TRIP13: variants seen among roughly 807,000 people sequenced by gnomAD.
TRIP13 encodes thyroid hormone receptor interactor 13.
In TRIP13, 25 loss-of-function variants were observed where a neutral mutation model predicts 54.4. The ratio of observed to expected loss-of-function variants is 0.46; its 90% confidence interval spans 0.33 to 0.64. The LOEUF (loss-of-function observed/expected upper bound fraction) is 0.64. Ranked by LOEUF, TRIP13 falls within the 30% of genes least tolerant of loss-of-function variation. The probability of loss-of-function intolerance (pLI) is 0.02; values close to 1 mark genes in which losing one functional copy is unlikely to be tolerated. For synonymous variants in TRIP13, 207 were observed against 207.8 expected (o/e 1.00, Z 0.03); for missense variants, 373 against 534.2 (o/e 0.70, Z 2.97).
rs959550865 is a variant in TRIP13 at position 915,713 on chromosome 5, G to A, written c.1134-191G>A. The stretch of plus-strand genomic sequence containing the variant: ...AGAGACCGGCCCCATACGAGAGGCC[G>A]GGGGCAAAGAGACATTCAGAGGGCA... On this transcript the variant is annotated intron_variant, in intron 11 of 12. Coordinates refer to ENST00000166345, the MANE Select transcript of TRIP13 (RefSeq NM_004237.4). The surrounding 1 kb of genome is among the most constrained non-coding windows in gnomAD (Gnocchi z 4.2). Among the ~76,000 whole-genome samples the A allele has an allele frequency of 2.6e-5, 4 of 152,296 alleles. No homozygotes were observed. Among genetic ancestry groups the A allele is most frequent in the African/African-American group, 4.8e-5 (2 of 41,564 alleles).
Position 908,196 on chromosome 5 carries a change from T to A in TRIP13, c.759+122T>A. 2 of 1,382,616 alleles carry A rather than the reference T, an allele frequency of 1.4e-6. No homozygotes were observed. Among genetic ancestry groups the A allele is most frequent in the Non-Finnish European group, 2.0e-6 (2 of 980,838 alleles). 85.6% of individuals were successfully genotyped at this position (1,382,616 alleles called of 1,614,324 possible). On this transcript the variant is annotated intron_variant, in intron 8 of 12. Coordinates refer to ENST00000166345, the MANE Select transcript of TRIP13 (RefSeq NM_004237.4). This position sits in a 1 kb window ranked among gnomAD's most constrained non-coding sequence, Gnocchi z 5.2. Reference sequence around the variant, plus strand: ...AGCCGGGCTGCCCTCTATCCCTCCCTGCACTGTGCGCCTTTCCACCTTGCC... The same window carrying A: ...AGCCGGGCTGCCCTCTATCCCTCCCAGCACTGTGCGCCTTTCCACCTTGCC...
chr5:916,041 C>A, intron 12 of TRIP13, 68 bp downstream of exon 12: 1 of 1,469,326 alleles, frequency 6.8e-7, no homozygotes, highest in Non-Finnish European at 9.5e-7. Context: ...GGAGATTCCG[C>A]TTAGTAGCCC....
At chr5:906,168 C>T (rs148743825) in intron 6 of TRIP13, among the ~76,000 whole-genome samples, 66 of 152,220 alleles carry the variant, frequency 4.3e-4, no homozygotes, top group African/African-American at 1.6e-3. Flanking sequence ...GCCTGGGTGA[C>T]GGGAGTGAGA....
rs757101130 is a variant in TRIP13, at chr5:907,166, C to T, written c.645C>T (p.His215=). The change falls in exon 7 of 13, where the codon CAC becomes CAT. Residue 215 remains histidine (H), a synonymous_variant. Transcript: ENST00000166345. This position sits in a 1 kb window ranked among gnomAD's most constrained non-coding sequence, Gnocchi z 4.1. ...GCCAATTAATTGAAATAAACAGCCA[C>T]AGCCTCTTTTCTAAGTGGTTTTCGG... ...RYGQLIEINS[H]SLFSKWFSES... is the part of the protein sequence containing the mutation. 2 of 1,614,074 alleles carry T rather than the reference C, an allele frequency of 1.2e-6. No individual in the cohort carries two copies. Among genetic ancestry groups the T allele is most frequent in the Admixed American group, 1.7e-5 (1 of 60,022 alleles).
rs1490351133 is a variant in TRIP13, at chr5:912,543, G to T, written c.1020+547G>T. 6.6e-6 allele frequency among the ~76,000 whole-genome samples: 1 copy of T among 151,312 alleles called. No homozygotes were observed. Among genetic ancestry groups the T allele is most frequent in the African/African-American group, 2.4e-5 (1 of 40,942 alleles). On this transcript the variant is annotated intron_variant, in intron 10 of 12. Coordinates refer to ENST00000166345, the MANE Select transcript of TRIP13 (RefSeq NM_004237.4). The surrounding 1 kb of genome is among the most constrained non-coding windows in gnomAD (Gnocchi z 7.2). Reference sequence around the variant, plus strand: ...GCCGTCGCCACGGGCAGAGCGACGCGTGCGGGGAGCGTGTGTGAGTCAGGA... The same window carrying T: ...GCCGTCGCCACGGGCAGAGCGACGCTTGCGGGGAGCGTGTGTGAGTCAGGA...
intron 6 of TRIP13, among the ~76,000 whole-genome samples, chr5:906,467 G>A (rs1212865964): frequency 2.0e-5 from 3 of 152,054 alleles, no homozygotes; most frequent in South Asian, 4.1e-4. Context: ...ATCAGTAAAC[G>A]GTCTCTCTCT....
rs1754365039 is a variant in TRIP13 at position 917,593 on chromosome 5, C to T, written c.*490C>T. The T allele has an allele frequency of 6.6e-6, 1 of 152,426 alleles. No individual in the cohort carries two copies. Among genetic ancestry groups the T allele is most frequent in the Non-Finnish European group, 1.5e-5 (1 of 68,294 alleles). 9.4% of individuals were successfully genotyped at this position (152,426 alleles called of 1,614,324 possible). A position where few individuals can be genotyped will look rare whatever the true frequency, so the allele number is the denominator to read the frequency against. On this transcript the variant is annotated 3_prime_UTR_variant, in exon 13 of 13. Coordinates refer to ENST00000166345, the MANE Select transcript of TRIP13 (RefSeq NM_004237.4). ...TGATATCAGCTCGTTTGATTTAGTG[C>T]AAAAATGTTTTCAAGACTATTTAAT...
At chr5:914,796 T>G (rs1446590861) in intron 11 of TRIP13, among the ~76,000 whole-genome samples, 1 of 151,018 alleles carries the variant, frequency 6.6e-6, no homozygotes, top group Non-Finnish European at 1.5e-5. Flanking sequence ...GATGTAACCC[T>G]TGCTCAGGGA....
In TRIP13 at chr5:901,346, C is replaced by T. The variant is rs1359215491; in HGVS notation, c.450C>T (p.Leu150=). 14 of 1,613,680 alleles carry T rather than the reference C, an allele frequency of 8.7e-6. No individual in the cohort carries two copies. Among genetic ancestry groups the T allele is most frequent in the Non-Finnish European group, 1.1e-5 (13 of 1,179,870 alleles). ...CTTTTCTTTTTCTCTATCAGCTCCT[C>T]GATTATGTGATGACAACTTTACTGT... ...VYDVEVKSHL[L]DYVMTTLLFS... Residue 150 remains leucine (L), a synonymous_variant, in exon 5 of 13, where the codon CTC becomes CTT. Coordinates refer to ENST00000166345, the MANE Select transcript of TRIP13 (RefSeq NM_004237.4).
rs543519482 is a variant in TRIP13 at position 914,015 on chromosome 5, G to A, written c.1021-450G>A. ...CAGACACTGTCATGCTGCCAAACAA[G>A]CCTCACCTTTAAAACAGACAAACTA... is the stretch of plus-strand genomic sequence containing the variant. On this transcript the variant is annotated intron_variant, in intron 10 of 12. Coordinates refer to ENST00000166345, the MANE Select transcript of TRIP13 (RefSeq NM_004237.4). Among the ~76,000 whole-genome samples the A allele has an allele frequency of 2.6e-4, 40 of 152,230 alleles. 1 individual carries two copies. Among genetic ancestry groups the A allele is most frequent in the African/African-American group, 9.6e-4 (40 of 41,540 alleles).
chr5:901,812 G>T (rs1056396313), intron 5 of TRIP13, among the ~76,000 whole-genome samples: 5 of 152,020 alleles, frequency 3.3e-5, no homozygotes, highest in African/African-American at 7.2e-5. Context: ...TAGTAGAGAC[G>T]GGGTTTCACC....
intron 3 of TRIP13, among the ~76,000 whole-genome samples, 154 bp from the exon 4 acceptor site, chr5:900,340 A>C (rs951129924): frequency 1.3e-5 from 2 of 152,158 alleles, no homozygotes; most frequent in Admixed American, 1.3e-4. Context: ...TTGAAGAAAA[A>C]TTTGCAGAAT....
chr5:904,691 A>C (rs1186819660), intron 6 of TRIP13, among the ~76,000 whole-genome samples: 1 of 150,622 alleles, frequency 6.6e-6, no homozygotes, highest in African/African-American at 2.4e-5. Context: ...TTTTTTTTTC[A>C]GTTCTTTAGA....
chr5:911,800 G>A lies in TRIP13; in HGVS notation c.867-43G>A, dbSNP rs774164899. On this transcript the variant is annotated intron_variant, in intron 9 of 12. Transcript: ENST00000166345. The surrounding 1 kb of genome is among the most constrained non-coding windows in gnomAD (Gnocchi z 4.7). ...TAGGGCAGGATAGAATTGGGTCACC[G>A]ACAGCCGTGATGACTGTGGTGCTTG... The A allele has an allele frequency of 3.8e-6, 6 of 1,579,196 alleles. No homozygotes were observed. Among genetic ancestry groups the A allele is most frequent in the African/African-American group, 1.4e-5 (1 of 73,420 alleles).
chr5:893,124 A>AGCCCCCCCCCCCCCCCCC lies in TRIP13; in HGVS notation c.92+34_92+35insGCCCCCCCCCCCCCCCCC. 2.6e-6 allele frequency: 4 copies of AGCCCCCCCCCCCCCCCCC among 1,516,706 alleles called. No homozygotes were observed. The African/African-American group carries it at 4.2e-5, about 16-fold the overall frequency. The allele number at this position is 1,516,706 out of a possible 1,614,324, so 94.0% of individuals were successfully genotyped here. A position where few individuals can be genotyped will look rare whatever the true frequency, so the allele number is the denominator to read the frequency against. On this transcript the variant is annotated intron_variant, in intron 1 of 12. Coordinates refer to ENST00000166345, the MANE Select transcript of TRIP13 (RefSeq NM_004237.4). Reference sequence around the variant, plus strand: ...GACCTGTCCGACACATCCTCTGGGCACCCACCCGCCCCGACCCCAGCGCGT... The same window carrying AGCCCCCCCCCCCCCCCCC: ...GACCTGTCCGACACATCCTCTGGGCAGCCCCCCCCCCCCCCCCCCCCACCCGCCCCGACCCCAGCGCGT...
intron 5 of TRIP13, among the ~76,000 whole-genome samples, chr5:903,502 TTTTA>T (rs1754041538): frequency 6.6e-6 from 1 of 152,160 alleles, no homozygotes; most frequent in Non-Finnish European, 1.5e-5. Flanking sequence ...ATTATTCTTA[TTTTA>T]TTTATTTTAT....
At chr5:916,457 C>T (rs1754343363) in intron 12 of TRIP13, among the ~76,000 whole-genome samples, 1 of 152,234 alleles carries the variant, frequency 6.6e-6, no homozygotes, top group Non-Finnish European at 1.5e-5. Flanking sequence ...ACACTTACAT[C>T]TGAGAAGAGA....
Position 908,688 on chromosome 5 carries a change from G to T in TRIP13, c.866+227G>T. On this transcript the variant is annotated intron_variant, in intron 9 of 12. Coordinates refer to ENST00000166345, the MANE Select transcript of TRIP13 (RefSeq NM_004237.4). This position sits in a 1 kb window ranked among gnomAD's most constrained non-coding sequence, Gnocchi z 5.2. ...AAAATGTAATAGAAGGCCAGGCGCG[G>T]TGGCTCACACCTGTAATCCCAGCAC... The T allele has an allele frequency of 1.5e-6, 2 of 1,307,366 alleles. No individual in the cohort carries two copies. Among genetic ancestry groups the T allele is most frequent in the Non-Finnish European group, 2.0e-6 (2 of 1,016,492 alleles). The allele number at this position is 1,307,366 out of a possible 1,614,324, so 81.0% of individuals were successfully genotyped here. A position where few individuals can be genotyped will look rare whatever the true frequency, so the allele number is the denominator to read the frequency against.
rs543645001 is a variant in TRIP13 at position 915,488 on chromosome 5, G to A, written c.1134-416G>A. On this transcript the variant is annotated intron_variant, in intron 11 of 12. Transcript: ENST00000166345. The surrounding 1 kb of genome is among the most constrained non-coding windows in gnomAD (Gnocchi z 4.2). ...TGCATTCCCTGAGCGCAAGGATGCT[G>A]GCCCTGGGGCAGAGGCTCCCGGGCA... Among the ~76,000 whole-genome samples, 40 of 149,232 alleles carry A rather than the reference G, an allele frequency of 2.7e-4. No homozygotes were observed. Among genetic ancestry groups the A allele is most frequent in the African/African-American group, 9.7e-4 (39 of 40,142 alleles).
Sources: gnomAD v4.1 joint callset for allele counts (sites outside exome capture counted in the v4.1 genomes callset) on GRCh38, gnomAD v4.1.1 for gene constraint, Gnocchi (gnomAD v3.1) non-coding constraint, MANE v1.5 for transcripts, NCBI Gene and HGNC (gene_info 2026-07-23, HGNC 2026-07-21) for gene names.